The following CEP112 variants were observed in gnomAD, a reference collection of about 807,000 sequenced individuals.
CEP112 encodes the protein centrosomal protein of 112 kDa.
Under a neutral mutation model 153.0 loss-of-function variants are expected in CEP112, and 127 were observed. The ratio of observed to expected loss-of-function variants is 0.83; its 90% CI spans 0.72 to 0.96. CEP112 has a LOEUF of 0.96. Among genes scored for constraint, CEP112 ranks in the 40% least tolerant of loss-of-function variants. CEP112 has a pLI of 0.00. For synonymous variants in CEP112, 358 were observed against 374.4 expected, an observed-to-expected ratio of 0.96 and a Z score of 0.51; for missense variants, 1,089 against 1,101.2, an observed-to-expected ratio of 0.99 and a Z score of 0.16.
chr17:65,856,802 A>T (rs1370714535), intron 20 of CEP112, among the ~76,000 whole-genome samples: 1 of 152,204 alleles, frequency 6.6e-6, no homozygotes, highest in Non-Finnish European at 1.5e-5. Flanking sequence ...AATCTCTGTC[A>T]ATGTAAATCA....
chr17:65,856,718 C>G (rs2058132672), intron 20 of CEP112, among the ~76,000 whole-genome samples: 1 of 152,144 alleles, frequency 6.6e-6, no homozygotes, highest in African/African-American at 2.4e-5. Flanking sequence ...ATTGTGCCCA[C>G]TAGGAAAATC....
At chr17:66,164,728 C>G (rs1451090366) in intron 4 of CEP112, among the ~76,000 whole-genome samples, 1 of 151,554 alleles carries the variant, frequency 6.6e-6, no homozygotes, top group East Asian at 1.9e-4. Flanking sequence ...TGGTGGCAGG[C>G]GCCCGTAATC....
chr17:65,886,815 C>T (rs1229115138), intron 20 of CEP112, among the ~76,000 whole-genome samples: 1 of 152,182 alleles, frequency 6.6e-6, no homozygotes, highest in African/African-American at 2.4e-5. Flanking sequence ...TCTACACAAC[C>T]GCGGGCTGCC....
intron 21 of CEP112, among the ~76,000 whole-genome samples, chr17:65,756,044 C>T (rs1007269790): frequency 6.6e-6 from 1 of 152,068 alleles, no homozygotes; most frequent in Non-Finnish European, 1.5e-5. Context: ...GTATACTCAG[C>T]CCTGGGCCTG....
rs1055966502 is a variant in CEP112, at chr17:66,088,053, T to C, written c.768+8198A>G. On this transcript the variant is annotated intron_variant, in intron 8 of 26. Transcript: ENST00000535342. ...CCTGGGTCCACCTCACCCCACCCCA[T>C]GCTGATACCAGCAGCCACAGCATCC... Among the ~76,000 whole-genome samples the C allele has an allele frequency of 6.5e-4, 98 of 151,170 alleles. 3 individuals carry two copies. The highest frequency in any genetic ancestry group is 4.4e-5 in the Non-Finnish European group (3 of 67,780).
rs920890732 is a variant in CEP112, at chr17:65,745,937, C to T, written c.2458-2720G>A. On this transcript the variant is annotated intron_variant, in intron 22 of 26. Transcript: ENST00000535342. Reference sequence around the variant, plus strand: ...CAAAATAATTCAGGTTTTGAGGCGGCCGGATCACCTGAAGCCAGGAGTTCG... The same window carrying T: ...CAAAATAATTCAGGTTTTGAGGCGGTCGGATCACCTGAAGCCAGGAGTTCG... Among the ~76,000 whole-genome samples the T allele has an allele frequency of 9.9e-5, 15 of 151,886 alleles. No homozygotes were observed. In the East Asian group the frequency reaches 2.5e-3, roughly 26 times the overall value.
At chr17:66,135,660 C>T (rs765976822) in intron 4 of CEP112, among the ~76,000 whole-genome samples, 13 of 152,116 alleles carry the variant, frequency 8.5e-5, no homozygotes, top group Non-Finnish European at 1.9e-4. Context: ...CTGACATGCC[C>T]TTTACTACTC....
At position 65,952,720 on chromosome 17, in the gene CEP112, C is replaced by G. The variant is rs553493937; in HGVS notation, c.1872+8743G>C. ...TAATGTGGCTATACTATTTTATGTA[C>G]CCATCAGCAGTGTATAAGAGCTTCA... On this transcript the variant is annotated intron_variant, in intron 18 of 26. Coordinates refer to ENST00000535342, the MANE Select transcript of CEP112 (RefSeq NM_001199165.4). 9.9e-5 allele frequency among the ~76,000 whole-genome samples: 15 copies of G among 152,146 alleles called. No homozygotes were observed. In the East Asian group the frequency reaches 2.9e-3, roughly 29 times the overall value.
chr17:65,840,904 G>T (rs2057492634), intron 21 of CEP112, among the ~76,000 whole-genome samples: 1 of 152,000 alleles, frequency 6.6e-6, no homozygotes, highest in Non-Finnish European at 1.5e-5. Context: ...TGAAAAAAAT[G>T]CTCCATATCA....
chr17:66,149,896 T>TTG (rs2071116489), intron 4 of CEP112, among the ~76,000 whole-genome samples: 1 of 106,474 alleles, frequency 9.4e-6, no homozygotes, highest in African/African-American at 3.7e-5. Flanking sequence ...TTGTTTTTTT[T>TTG]TTTTTTTTTT....
intron 6 of CEP112, among the ~76,000 whole-genome samples, chr17:66,106,244 G>T (rs991042514): frequency 2.6e-5 from 4 of 151,912 alleles, no homozygotes; most frequent in Non-Finnish European, 4.4e-5. Flanking sequence ...ACATCTTAAA[G>T]AATTAGAAAA....
chr17:66,074,471 T>C (rs1200319907), intron 8 of CEP112, among the ~76,000 whole-genome samples: 1 of 152,052 alleles, frequency 6.6e-6, no homozygotes, highest in Non-Finnish European at 1.5e-5. Context: ...AATATAAAAA[T>C]ACTGACTTAG....
chr17:65,971,496 T>C (rs1384368156), intron 17 of CEP112, among the ~76,000 whole-genome samples: 1 of 151,020 alleles, frequency 6.6e-6, no homozygotes, highest in East Asian at 2.0e-4. Flanking sequence ...ATGAATGTCA[T>C]ACATATCACA....
At chr17:66,081,109 T>C (rs2067700345) in intron 8 of CEP112, among the ~76,000 whole-genome samples, 1 of 152,174 alleles carries the variant, frequency 6.6e-6, no homozygotes. Context: ...AGTGTATACC[T>C]ATGTAACAAA....
chr17:65,945,113 A>G (rs573934446), intron 18 of CEP112, among the ~76,000 whole-genome samples: 1 of 152,024 alleles, frequency 6.6e-6, no homozygotes, highest in South Asian at 2.1e-4. Flanking sequence ...TGTTTCTAAC[A>G]TAAATGGATT....
intron 1 of CEP112, among the ~76,000 whole-genome samples, chr17:66,185,240 A>G (rs1319541219): frequency 6.6e-6 from 1 of 152,190 alleles, no homozygotes; most frequent in Non-Finnish European, 1.5e-5. Flanking sequence ...ATTTTTTTTG[A>G]GACAGAGTCT....
intron 21 of CEP112, among the ~76,000 whole-genome samples, chr17:65,751,458 CT>C (rs2145258934): frequency 1.3e-5 from 2 of 152,274 alleles, no homozygotes; most frequent in South Asian, 4.1e-4. Flanking sequence ...TAGACTGTGT[CT>C]TTTCCCCATC....
chr17:65,948,540 T>A (rs1308110594), intron 18 of CEP112, among the ~76,000 whole-genome samples: 1 of 151,422 alleles, frequency 6.6e-6, no homozygotes, highest in African/African-American at 2.4e-5. Context: ...AGAGAATAGG[T>A]AAATATAGAA....
intron 4 of CEP112, among the ~76,000 whole-genome samples, chr17:66,161,967 A>C (rs2071730623): frequency 6.6e-6 from 1 of 152,134 alleles, no homozygotes; most frequent in African/African-American, 2.4e-5. Flanking sequence ...AATTCTGTTC[A>C]TTATAAATTA....
Sources: gnomAD v4.1 joint callset for allele counts (sites outside exome capture counted in the v4.1 genomes callset) on GRCh38, gnomAD v4.1.1 for gene constraint, MANE v1.5 for transcripts, NCBI Gene and HGNC (gene_info 2026-07-23, HGNC 2026-07-21) for gene names.